BCL2L1: variants seen among roughly 807,000 people sequenced by gnomAD.
The protein encoded by BCL2L1 is bcl-2-like protein 1.
A neutral mutation model predicts 18.7 loss-of-function variants in BCL2L1; 1 was observed. The observed-to-expected ratio is 0.05, with a 90% CI of 0.02 to 0.25. The LOEUF is 0.25. Ranked by LOEUF, BCL2L1 falls within the 10% of genes least tolerant of loss-of-function variation. The pLI, the probability that BCL2L1 is intolerant of heterozygous loss-of-function variation, is 1.00. For missense variants in BCL2L1, 207 were observed against 304.9 expected (o/e 0.68, Z 2.39); for synonymous variants, 103 against 122.7 (o/e 0.84, Z 1.06).
intron 2 of BCL2L1, among the ~76,000 whole-genome samples, chr20:31,706,031 G>A (rs566407693): frequency 6.3e-4 from 96 of 152,228 alleles, no homozygotes; most frequent in African/African-American, 2.1e-3. Context: ...CCCTGACATG[G>A]TAACCCCTAG....
At chr20:31,679,409 G>A (rs992004974) in intron 2 of BCL2L1, among the ~76,000 whole-genome samples, 1 of 152,114 alleles carries the variant, frequency 6.6e-6, no homozygotes, top group Non-Finnish European at 1.5e-5. Flanking sequence ...TACCTCCAAG[G>A]CTTCATACAG....
rs114740390 is a variant in BCL2L1 at position 31,717,382 on chromosome 20, T to C, written c.564+4273A>G. Among the ~76,000 whole-genome samples, 281 of 151,908 alleles carry C rather than the reference T, an allele frequency of 1.8e-3. 1 individual carries two copies. Among genetic ancestry groups the C allele is most frequent in the African/African-American group, 6.2e-3 (258 of 41,424 alleles). On this transcript the variant is annotated intron_variant, in intron 2 of 2. Transcript: ENST00000307677. ...AGTCAAGAAAACCCTCCAGGTTCCA[T>C]TGGAGCCCCCTGAAAAAATACCCGG...
chr20:31,688,984 T>C (rs1010526752), intron 2 of BCL2L1, among the ~76,000 whole-genome samples: 23 of 152,100 alleles, frequency 1.5e-4, no homozygotes, highest in Non-Finnish European at 2.8e-4. Context: ...TGTCTTTGGA[T>C]GCTGTTAAGC....
chr20:31,718,462 C>T (rs1487866109), intron 2 of BCL2L1, among the ~76,000 whole-genome samples: 1 of 152,048 alleles, frequency 6.6e-6, no homozygotes, highest in Admixed American at 6.6e-5. Context: ...TTGAAACCAG[C>T]TTGACCAACA....
At position 31,665,647 on chromosome 20, in the gene BCL2L1, A is replaced by T. The variant is rs1366585869; in HGVS notation, c.*302T>A. 16 of 429,860 alleles carry T rather than the reference A, an allele frequency of 3.7e-5. No homozygotes were observed. The highest frequency in any genetic ancestry group is 5.9e-5 in the Non-Finnish European group (14 of 238,182). 26.6% of individuals were successfully genotyped at this position (429,860 alleles called of 1,614,324 possible). ...AGGCTAAGGGGTAAGGGTTGCACCA[A>T]TCAGGTAGGGCCCTCCTGCCCCCAG... On this transcript the variant is annotated 3_prime_UTR_variant, in exon 3 of 3. Transcript: ENST00000307677.
At chr20:31,666,753 A>G (rs2060594993) in intron 2 of BCL2L1, among the ~76,000 whole-genome samples, 1 of 152,076 alleles carries the variant, frequency 6.6e-6, no homozygotes, top group Admixed American at 6.5e-5. Context: ...CAGGACTGAC[A>G]GGCCTCCATC....
At chr20:31,697,892 G>GTTTTTTTTTTTTTTGTTTGTTTGT (rs199575410) in intron 2 of BCL2L1, among the ~76,000 whole-genome samples, 1 of 129,640 alleles carries the variant, frequency 7.7e-6, no homozygotes, top group Admixed American at 7.4e-5. Context: ...TGCTGTTGCT[G>GTTTTTTTTTTTTTTGTTTGTTTGT]TTTTTTTTTT....
At chr20:31,676,690 A>AG (rs1213648887) in intron 2 of BCL2L1, among the ~76,000 whole-genome samples, 3 of 152,116 alleles carry the variant, frequency 2.0e-5, no homozygotes, top group Non-Finnish European at 4.4e-5. Flanking sequence ...GTAATACTCA[A>AG]GCTCACCACG....
intron 2 of BCL2L1, among the ~76,000 whole-genome samples, chr20:31,677,626 T>C (rs994166377): frequency 6.6e-6 from 1 of 152,218 alleles, no homozygotes; most frequent in South Asian, 2.1e-4. Flanking sequence ...TCAGCTTGTG[T>C]CTCGGAGCCT....
At chr20:31,693,002 C>T (rs139135326) in intron 2 of BCL2L1, among the ~76,000 whole-genome samples, 1,611 of 146,264 alleles carry the variant, frequency 0.011, 33 homozygotes, top group African/African-American at 0.039. Context: ...ACCCAGGAGG[C>T]GGAGGTTGCA....
chr20:31,686,624 ATC>A (rs1255690581), intron 2 of BCL2L1, among the ~76,000 whole-genome samples: 2 of 152,158 alleles, frequency 1.3e-5, no homozygotes, highest in African/African-American at 2.4e-5. Context: ...TTTTGTTCAC[ATC>A]TGGTCCATCC....
intron 2 of BCL2L1, among the ~76,000 whole-genome samples, chr20:31,681,878 AAAGTGTGGATGGCAAT>A (rs1461941268): frequency 8.2e-4 from 125 of 152,382 alleles, no homozygotes; most frequent in African/African-American, 2.8e-3. Flanking sequence ...ACCAGGCCTC[AAAGTGTGGATGGCAAT>A]AAGATGAGGA....
chr20:31,690,280 A>G (rs1177315292), intron 2 of BCL2L1, among the ~76,000 whole-genome samples: 1 of 151,904 alleles, frequency 6.6e-6, no homozygotes, highest in Non-Finnish European at 1.5e-5. Flanking sequence ...TGAGAGACAC[A>G]GGGTCTCACT....
At chr20:31,702,801 C>T (rs1258757074) in intron 2 of BCL2L1, among the ~76,000 whole-genome samples, 1 of 151,050 alleles carries the variant, frequency 6.6e-6, no homozygotes, top group Non-Finnish European at 1.5e-5. Context: ...GGTGAGCCAT[C>T]GTGCCCGGCC....
At chr20:31,721,182 T>C (rs115466009) in intron 2 of BCL2L1, among the ~76,000 whole-genome samples, 167 of 152,276 alleles carry the variant, frequency 1.1e-3, no homozygotes, top group African/African-American at 3.9e-3. Flanking sequence ...GGAACTTGAT[T>C]TGGGGGAGAG....
At chr20:31,679,182 A>T (rs2060814084) in intron 2 of BCL2L1, among the ~76,000 whole-genome samples, 1 of 152,170 alleles carries the variant, frequency 6.6e-6, no homozygotes, top group African/African-American at 2.4e-5. Flanking sequence ...GATGGTGAGA[A>T]GAGGGCTAGG....
At position 31,684,108 on chromosome 20, in the gene BCL2L1, C is replaced by T. The variant is rs1323683622; in HGVS notation, c.565-18022G>A. 2.6e-5 allele frequency among the ~76,000 whole-genome samples: 4 copies of T among 152,110 alleles called. No individual in the cohort carries two copies. The East Asian group carries it at 5.8e-4, about 22-fold the overall frequency. ...TCAGCCAGCTGACCGGAAGCCAGTC[C>T]AGAATGGCCCACAGGTACCCCCCAA... is the stretch of plus-strand genomic sequence containing the variant. On this transcript the variant is annotated intron_variant, in intron 2 of 2. Transcript: ENST00000307677.
At chr20:31,676,551 C>T (rs954001641) in intron 2 of BCL2L1, among the ~76,000 whole-genome samples, 4 of 152,180 alleles carry the variant, frequency 2.6e-5, no homozygotes, top group African/African-American at 9.7e-5. Context: ...ACTCCCTATT[C>T]TTTCGTAAGT....
At chr20:31,676,636 C>T (rs1452655613) in intron 2 of BCL2L1, among the ~76,000 whole-genome samples, 2 of 152,116 alleles carry the variant, frequency 1.3e-5, no homozygotes, top group African/African-American at 4.8e-5. Context: ...GGAACAGAGT[C>T]GGAGACTCCA....
Sources: gnomAD v4.1 joint callset for allele counts (sites outside exome capture counted in the v4.1 genomes callset) on GRCh38, gnomAD v4.1.1 for gene constraint, MANE v1.5 for transcripts, NCBI Gene and HGNC (gene_info 2026-07-23, HGNC 2026-07-21) for gene names.